PGBD2: variants seen among roughly 807,000 people sequenced by gnomAD.
PGBD2 encodes the protein piggyBac transposable element derived 2.
Under a neutral mutation model 8.1 loss-of-function variants are expected in PGBD2, and 6 were observed. That is an observed-to-expected ratio of 0.74 (90% CI 0.40 to 1.46). The LOEUF (loss-of-function observed/expected upper bound fraction) is 1.46, where lower values mean the gene tolerates loss of function less well. Ranked by LOEUF, PGBD2 falls within the 40% of genes most tolerant of loss-of-function variation. The pLI is 0.02. For missense variants in PGBD2, 802 were observed against 739.0 expected, an observed-to-expected ratio of 1.09 and a Z score of -0.99; for synonymous variants, 318 against 272.2, an observed-to-expected ratio of 1.17 and a Z score of -1.66.
the PGBD2 span, among the ~76,000 whole-genome samples, chr1:248,874,306 TC>T: frequency 6.6e-6 from 1 of 152,200 alleles, no homozygotes; most frequent in Non-Finnish European, 1.5e-5. Context: ...CGGGTTCGAT[TC>T]CCGGTCAGGA....
chr1:248,884,547 C>G, the PGBD2 span, among the ~76,000 whole-genome samples: 2 of 152,048 alleles, frequency 1.3e-5, no homozygotes, highest in Non-Finnish European at 2.9e-5. Flanking sequence ...GGGTTTCACC[C>G]TATCAGCCAG....
the PGBD2 span, among the ~76,000 whole-genome samples, chr1:248,887,626 C>T: frequency 2.0e-5 from 3 of 152,100 alleles, no homozygotes; most frequent in Admixed American, 2.0e-4. Context: ...GTAGAATGCT[C>T]CAGTCTGGAC....
the PGBD2 span, among the ~76,000 whole-genome samples, chr1:248,898,933 C>G: frequency 6.6e-6 from 1 of 152,004 alleles, no homozygotes; most frequent in African/African-American, 2.4e-5. Flanking sequence ...AAATGGAAAA[C>G]AGAAAAAAGC....
At chr1:248,909,485 C>T (rs1422619074) in intron 1 of PGBD2, among the ~76,000 whole-genome samples, 1 of 151,732 alleles carries the variant, frequency 6.6e-6, no homozygotes, top group Non-Finnish European at 1.5e-5. Context: ...TGAAAGTCTG[C>T]AGCAGGTTGA....
At chr1:248,920,254 C>A (rs899068577), downstream of PGBD2, among the ~76,000 whole-genome samples, 3 of 152,128 alleles carry the variant, frequency 2.0e-5, no homozygotes, top group African/African-American at 7.2e-5. Flanking sequence ...ACCCATCAAC[C>A]TGTCACCTAC....
At chr1:248,874,955 T>TAGAC in the PGBD2 span, among the ~76,000 whole-genome samples, 140 of 138,696 alleles carry the variant, frequency 1.0e-3, no homozygotes, top group South Asian at 3.4e-3. Flanking sequence ...GATAGATAGA[T>TAGAC]AGACAAATAG....
the PGBD2 span, among the ~76,000 whole-genome samples, chr1:248,894,977 T>C: frequency 6.6e-6 from 1 of 152,034 alleles, no homozygotes; most frequent in Admixed American, 6.6e-5. Context: ...GTTGTTGTTG[T>C]TAATTTTTTT....
chr1:248,894,887 C>T, the PGBD2 span, among the ~76,000 whole-genome samples: 1 of 152,072 alleles, frequency 6.6e-6, no homozygotes, highest in African/African-American at 2.4e-5. Flanking sequence ...CCTCAAACTC[C>T]TGTGCTCATG....
Position 248,917,125 on chromosome 1 carries a change from T to G in PGBD2, c.541T>G (p.Cys181Gly), listed in dbSNP as rs982566149. Residue 181 changes from cysteine (C) to glycine (G), a missense_variant, in exon 3 of 3, where the codon TGT becomes GGT. Physicochemically the swap from Cys to Gly is radical, Grantham distance 159 (BLOSUM62 -3). Coordinates refer to ENST00000329291, the MANE Select transcript of PGBD2 (RefSeq NM_170725.3). ...NLSLTAQELKCVLGILILSGY... is the reference protein window; with the variant it reads ...NLSLTAQELKGVLGILILSGY... Reference sequence around the variant, plus strand: ...GAGTCTTACGGCTCAGGAATTGAAGTGTGTTTTGGGCATTTTGATTTTAAG... The same window carrying G: ...GAGTCTTACGGCTCAGGAATTGAAGGGTGTTTTGGGCATTTTGATTTTAAG... 3.7e-6 allele frequency: 6 copies of G among 1,613,806 alleles called. No individual in the cohort carries two copies. The Admixed American group carries it at 6.7e-5, about 18-fold the overall frequency.
the PGBD2 span, among the ~76,000 whole-genome samples, chr1:248,925,348 G>T: frequency 6.6e-6 from 1 of 152,204 alleles, no homozygotes; most frequent in Non-Finnish European, 1.5e-5. Context: ...GGCAGGGGAA[G>T]AGAATTGTCC....
downstream of PGBD2, among the ~76,000 whole-genome samples, chr1:248,922,219 C>T (rs1453638971): frequency 2.0e-5 from 3 of 152,010 alleles, no homozygotes; most frequent in Admixed American, 6.6e-5. Context: ...GCCACCATGC[C>T]CAGCTAGTTT....
rs935368631 is a variant in PGBD2, at chr1:248,918,557, A to C, written c.*194A>C. On this transcript the variant is annotated 3_prime_UTR_variant, in exon 3 of 3. Transcript: ENST00000329291. ...ATGCCTACATGTGATATAAATTAAT[A>C]TTTATATTCATTTATATTTATATTT... is the stretch of plus-strand genomic sequence containing the variant. The C allele has an allele frequency of 7.0e-5, 21 of 299,880 alleles. No homozygotes were observed. Among genetic ancestry groups the C allele is most frequent in the African/African-American group, 4.4e-4 (20 of 45,844 alleles). 18.6% of individuals were successfully genotyped at this position (299,880 alleles called of 1,614,324 possible).
Position 248,907,424 on chromosome 1 carries a change from A to C in PGBD2, c.-48+1082A>C, listed in dbSNP as rs368205541. Among the ~76,000 whole-genome samples, 282 of 152,344 alleles carry C rather than the reference A, an allele frequency of 1.9e-3. 2 individuals carry two copies. Among genetic ancestry groups the C allele is most frequent in the East Asian group, 0.01 (53 of 5,190 alleles). ...GGGCAGGCAGGACACAGTGGCCTTC[A>C]TCTATCTCAACTGCAAGAGGCTTTC... On this transcript the variant is annotated intron_variant, in intron 1 of 2. Coordinates refer to ENST00000329291, the MANE Select transcript of PGBD2 (RefSeq NM_170725.3).
In PGBD2 at chr1:248,918,510, A is replaced by T. The variant is rs1027731574; in HGVS notation, c.*147A>T. 1 of 661,216 alleles carries T rather than the reference A, an allele frequency of 1.5e-6. No homozygotes were observed. The highest frequency in any genetic ancestry group is 1.9e-5 in the African/African-American group (1 of 53,912). The allele number at this position is 661,216 out of a possible 1,614,324, so 41.0% of individuals were successfully genotyped here. A position where few individuals can be genotyped will look rare whatever the true frequency, so the allele number is the denominator to read the frequency against. On this transcript the variant is annotated 3_prime_UTR_variant, in exon 3 of 3. Coordinates refer to ENST00000329291, the MANE Select transcript of PGBD2 (RefSeq NM_170725.3). ...TTTTCTCCCTACCCACAATACAGTT[A>T]TCTTTTTTATTGTGTTGTGTTATGC...
chr1:248,904,074 GTTTTT>G (rs11389084), upstream of PGBD2, among the ~76,000 whole-genome samples: 1 of 148,432 alleles, frequency 6.7e-6, no homozygotes, highest in Non-Finnish European at 1.5e-5. Flanking sequence ...TTCTTTTTAT[GTTTTT>G]TTTTTATTTG....
At position 248,917,392 on chromosome 1, in the gene PGBD2, G is replaced by A. The variant is rs751495941; in HGVS notation, c.808G>A (p.Glu270Lys). The change falls in exon 3 of 3, where the codon GAG (glutamate) becomes AAG (lysine). Residue 270 changes from glutamate to lysine, a missense_variant. Coordinates refer to ENST00000329291, the MANE Select transcript of PGBD2 (RefSeq NM_170725.3). ...CTTGGAAGAGTTCTACAGCTTTGGCGAGTCTATGTGTGAGTACTTTGGGCA... is the reference window on the plus strand; with the variant it reads ...CTTGGAAGAGTTCTACAGCTTTGGCAAGTCTATGTGTGAGTACTTTGGGCA... ...APLEEFYSFG[E>K]SMCEYFGHRG... 2.5e-6 allele frequency: 4 copies of A among 1,614,098 alleles called. No homozygotes were observed. Among genetic ancestry groups the A allele is most frequent in the East Asian group, 2.2e-5 (1 of 44,860 alleles).
chr1:248,919,309 A>G (rs1662234313), downstream of PGBD2: 1 of 166,056 alleles, frequency 6.0e-6, no homozygotes, highest in African/African-American at 2.4e-5. Flanking sequence ...TTTCATTTTT[A>G]GCTCCCACAA....
upstream of PGBD2, among the ~76,000 whole-genome samples, chr1:248,902,068 T>A (rs6659699): frequency 0.21 from 32,202 of 152,002 alleles, 9,871 homozygotes; most frequent in African/African-American, 0.68. Flanking sequence ...TAGGAGTTCA[T>A]GACCAGCCTG....
the PGBD2 span, among the ~76,000 whole-genome samples, chr1:248,880,804 C>T: frequency 1.3e-5 from 2 of 152,098 alleles, no homozygotes; most frequent in Non-Finnish European, 2.9e-5. Context: ...TGATGACCAT[C>T]GGACTCCTAA....
Sources: allele counts gnomAD v4.1 joint callset (sites outside exome capture counted in the v4.1 genomes callset), GRCh38; gene constraint gnomAD v4.1.1; transcripts MANE v1.5; gene names NCBI Gene and HGNC (gene_info 2026-07-23, HGNC 2026-07-21).